MMP16: variants seen among roughly 807,000 people sequenced by gnomAD.
MMP16 encodes the protein matrix metallopeptidase 16, also known as matrix metalloproteinase-16.
Under a neutral mutation model 67.8 loss-of-function variants are expected in MMP16, and 12 were observed. The ratio of observed to expected loss-of-function variants is 0.18; its 90% CI spans 0.11 to 0.29. MMP16 has a LOEUF of 0.29. Ranked by LOEUF, MMP16 falls within the 10% of genes least tolerant of loss-of-function variation. The probability of loss-of-function intolerance (pLI) is 1.00; values close to 1 mark genes in which losing one functional copy is unlikely to be tolerated. For missense variants in MMP16, 475 were observed against 765.7 expected (o/e 0.62, Z 4.48); for synonymous variants, 249 against 255.9 (o/e 0.97, Z 0.26).
chr8:88,289,280 C>T (rs535190353), intron 1 of MMP16, among the ~76,000 whole-genome samples: 150 of 152,246 alleles, frequency 9.9e-4, no homozygotes, highest in African/African-American at 3.5e-3. Flanking sequence ...GAAACACAGA[C>T]ATTTTTGTTA....
intron 4 of MMP16, among the ~76,000 whole-genome samples, chr8:88,157,760 G>A (rs1808536821): frequency 6.6e-6 from 1 of 152,080 alleles, no homozygotes; most frequent in African/African-American, 2.4e-5. Flanking sequence ...CCATGTTGGT[G>A]TGCTGCACCC....
chr8:88,118,882 T>C (rs747415640), intron 4 of MMP16, 21 bp from the exon 5 acceptor site: 4 of 1,606,154 alleles, frequency 2.5e-6, no homozygotes, highest in South Asian at 1.1e-5. Context: ...AAGAAGAAAA[T>C]AAGTTTTTGT....
At chr8:88,076,033 C>G (rs1808645511) in intron 6 of MMP16, among the ~76,000 whole-genome samples, 1 of 151,486 alleles carries the variant, frequency 6.6e-6, no homozygotes, top group African/African-American at 2.4e-5. Flanking sequence ...CTTTCTTTCA[C>G]CCAAATGAGT....
intron 1 of MMP16, among the ~76,000 whole-genome samples, chr8:88,267,856 A>G (rs1810498803): frequency 6.6e-6 from 1 of 152,230 alleles, no homozygotes; most frequent in African/African-American, 2.4e-5. Context: ...ACTGGTCCCA[A>G]AATTGACATC....
At chr8:88,087,823 G>A (rs1451351868) in intron 6 of MMP16, among the ~76,000 whole-genome samples, 1 of 151,194 alleles carries the variant, frequency 6.6e-6, no homozygotes, top group East Asian at 2.0e-4. Context: ...GCATGCCTGA[G>A]GTCCCAGCTA....
intron 6 of MMP16, among the ~76,000 whole-genome samples, chr8:88,079,533 A>G: frequency 6.6e-6 from 1 of 152,258 alleles, no homozygotes; most frequent in Non-Finnish European, 1.5e-5. Context: ...TGTACTTTAA[A>G]TGTTCTTCCT....
At chr8:88,323,363 T>C (rs1811489107) in intron 1 of MMP16, among the ~76,000 whole-genome samples, 1 of 152,152 alleles carries the variant, frequency 6.6e-6, no homozygotes, top group African/African-American at 2.4e-5. Context: ...CTGACAAAGG[T>C]TTGAATAAAT....
intron 1 of MMP16, among the ~76,000 whole-genome samples, chr8:88,212,732 TGTA>T (rs1809531576): frequency 6.6e-6 from 1 of 152,134 alleles, no homozygotes; most frequent in Non-Finnish European, 1.5e-5. Flanking sequence ...CTCTGATTAT[TGTA>T]GTAGAATATT....
At chr8:88,223,506 T>C (rs1016420472) in intron 1 of MMP16, among the ~76,000 whole-genome samples, 2 of 151,970 alleles carry the variant, frequency 1.3e-5, no homozygotes, top group Admixed American at 1.3e-4. Context: ...TGGAATACTA[T>C]GCAGCCGTAA....
At chr8:88,201,044 C>A (rs1302008714) in intron 1 of MMP16, among the ~76,000 whole-genome samples, 1 of 145,468 alleles carries the variant, frequency 6.9e-6, no homozygotes, top group South Asian at 2.2e-4. Flanking sequence ...AACACAAATG[C>A]AAGAACAATT....
intron 4 of MMP16, among the ~76,000 whole-genome samples, chr8:88,122,475 A>G (rs1325067832): frequency 6.6e-6 from 1 of 152,000 alleles, no homozygotes; most frequent in Non-Finnish European, 1.5e-5. Flanking sequence ...GATGCTCTTA[A>G]TATTCACTTG....
intron 1 of MMP16, among the ~76,000 whole-genome samples, chr8:88,199,284 T>G (rs1371252055): frequency 6.6e-6 from 1 of 152,076 alleles, no homozygotes; most frequent in Admixed American, 6.6e-5. Context: ...AAAAAATACA[T>G]ATTTGATTTA....
chr8:88,093,581 A>G (rs1808975692), intron 6 of MMP16, among the ~76,000 whole-genome samples: 1 of 151,868 alleles, frequency 6.6e-6, no homozygotes, highest in Non-Finnish European at 1.5e-5. Context: ...TCTGATTTAC[A>G]CTACCTTAAT....
chr8:88,273,391 T>C (rs1414250952), intron 1 of MMP16, among the ~76,000 whole-genome samples: 1 of 151,936 alleles, frequency 6.6e-6, no homozygotes, highest in Non-Finnish European at 1.5e-5. Context: ...GCACCTGGCC[T>C]AGAAAATAAC....
chr8:88,043,516 C>T lies in MMP16; in HGVS notation c.1490-1721G>A, dbSNP rs753788870. ...CAGGCTAGTCTCAAACTCCCGACCT[C>T]GGAGATCGCCTATCTTTTATCAAAT... is the stretch of plus-strand genomic sequence containing the variant. On this transcript the variant is annotated intron_variant, in intron 9 of 9. Coordinates refer to ENST00000286614, the MANE Select transcript of MMP16 (RefSeq NM_005941.5). Among the ~76,000 whole-genome samples, 20 of 152,138 alleles carry T rather than the reference C, an allele frequency of 1.3e-4. 1 individual carries two copies. The highest frequency in any genetic ancestry group is 2.4e-4 in the African/African-American group (10 of 41,426).
intron 1 of MMP16, among the ~76,000 whole-genome samples, chr8:88,217,104 C>A (rs1809606745): frequency 6.6e-6 from 1 of 152,018 alleles, no homozygotes; most frequent in East Asian, 1.9e-4. Context: ...TTCTGTAATT[C>A]TTCAAGCATT....
At chr8:88,223,249 T>C (rs1809714874) in intron 1 of MMP16, among the ~76,000 whole-genome samples, 1 of 151,988 alleles carries the variant, frequency 6.6e-6, no homozygotes, top group African/African-American at 2.4e-5. Context: ...TTGGTGGGAG[T>C]GTAAACTAGT....
chr8:88,326,280 G>C (rs1196582243), intron 1 of MMP16, among the ~76,000 whole-genome samples: 1 of 152,152 alleles, frequency 6.6e-6, no homozygotes, highest in Non-Finnish European at 1.5e-5. Flanking sequence ...CTTTGGCAGA[G>C]GTCTGACAAG....
At chr8:88,133,814 A>G (rs899347743) in intron 4 of MMP16, among the ~76,000 whole-genome samples, 28 of 151,928 alleles carry the variant, frequency 1.8e-4, no homozygotes, top group Admixed American at 4.6e-4. Flanking sequence ...TATAACTATC[A>G]TATCATCATC....
Sources: gnomAD v4.1 joint callset for allele counts (sites outside exome capture counted in the v4.1 genomes callset) on GRCh38, gnomAD v4.1.1 for gene constraint, MANE v1.5 for transcripts, NCBI Gene and HGNC (gene_info 2026-07-23, HGNC 2026-07-21) for gene names.